Variants in SLC9A4 observed in about 807,000 individuals in gnomAD.
SLC9A4 encodes the protein sodium/hydrogen exchanger 4.
SLC9A4 carries 63 observed loss-of-function variants against 67.4 expected under a neutral mutation model. The ratio of observed to expected loss-of-function variants is 0.93; its 90% CI spans 0.76 to 1.15. The LOEUF is 1.15. Among genes scored for constraint, SLC9A4 ranks in the 50% most tolerant of loss-of-function variants. The probability of loss-of-function intolerance (pLI) is 0.00; values close to 1 mark genes in which losing one functional copy is unlikely to be tolerated. For missense variants in SLC9A4, 1,089 were observed against 987.7 expected (o/e 1.10, Z -1.38); for synonymous variants, 393 against 367.2 (o/e 1.07, Z -0.80).
chr2:102,498,984 G>A (rs1684866830), intron 2 of SLC9A4, among the ~76,000 whole-genome samples: 1 of 152,232 alleles, frequency 6.6e-6, no homozygotes, highest in South Asian at 2.1e-4. Flanking sequence ...GGGGATGGGA[G>A]AGCCCTCAGG....
intron 2 of SLC9A4, among the ~76,000 whole-genome samples, chr2:102,486,477 T>C (rs11887071): frequency 0.032 from 4,893 of 152,310 alleles, 239 homozygotes; most frequent in African/African-American, 0.099. Flanking sequence ...AGAAGAGCTG[T>C]ATGTGCACTT....
At chr2:102,501,709 AG>A (rs1684945100) in intron 2 of SLC9A4, among the ~76,000 whole-genome samples, 1 of 152,018 alleles carries the variant, frequency 6.6e-6, no homozygotes, top group African/African-American at 2.4e-5. Context: ...CACACAAAGC[AG>A]TGTGTGGTTC....
chr2:102,495,890 G>A (rs550095777), intron 2 of SLC9A4, among the ~76,000 whole-genome samples: 17 of 151,792 alleles, frequency 1.1e-4, no homozygotes, highest in African/African-American at 4.1e-4. Flanking sequence ...AAATGGAAAA[G>A]GTATAATTAT....
chr2:102,517,265 C>T (rs1448336129), intron 8 of SLC9A4, among the ~76,000 whole-genome samples: 3 of 152,170 alleles, frequency 2.0e-5, no homozygotes, highest in Non-Finnish European at 4.4e-5. Flanking sequence ...GTCTTCTTGT[C>T]TTCTGAGCCC....
chr2:102,518,665 GTACAT>G (rs1458771806), intron 8 of SLC9A4, among the ~76,000 whole-genome samples: 1 of 152,138 alleles, frequency 6.6e-6, no homozygotes, highest in Non-Finnish European at 1.5e-5. Context: ...TTTATCAAAT[GTACAT>G]TACTTTTAAA....
chr2:102,532,285 T>C (rs1674792317), intron 11 of SLC9A4, 45 bp from the exon 12 acceptor site: 1 of 1,564,546 alleles, frequency 6.4e-7, no homozygotes, highest in African/African-American at 1.4e-5. Context: ...TTAACTCTGA[T>C]CTTAAGTCTT....
At chr2:102,526,074 G>T (rs1010646966) in intron 10 of SLC9A4, among the ~76,000 whole-genome samples, 185 bp from the exon 11 acceptor site, 2 of 152,166 alleles carry the variant, frequency 1.3e-5, no homozygotes, top group African/African-American at 4.8e-5. Context: ...TTTTAGTAGA[G>T]ACGGGGTTTC....
At chr2:102,522,196 C>G (rs191824232) in intron 9 of SLC9A4, among the ~76,000 whole-genome samples, 3 of 152,272 alleles carry the variant, frequency 2.0e-5, no homozygotes, top group African/African-American at 7.2e-5. Context: ...GGGTGATTCC[C>G]GAGTAGCCTG....
intron 8 of SLC9A4, among the ~76,000 whole-genome samples, chr2:102,515,152 T>G (rs1247875860): frequency 6.6e-6 from 1 of 152,100 alleles, no homozygotes; most frequent in Admixed American, 6.5e-5. Context: ...TCCATCCTGT[T>G]GTCTTCAGCA....
At position 102,478,997 on chromosome 2, in the gene SLC9A4, G is replaced by C. The variant is rs764521439; in HGVS notation, c.415G>C (p.Val139Leu). 28 of 1,614,112 alleles carry C rather than the reference G, an allele frequency of 1.7e-5. No individual in the cohort carries two copies. Among genetic ancestry groups the C allele is most frequent in the South Asian group, 9.9e-5 (9 of 91,086 alleles). The change falls in exon 2 of 12, where the codon GTT becomes CTT. Residue 139 changes from valine (V) to leucine (L), a missense_variant. Coordinates refer to ENST00000295269, the MANE Select transcript of SLC9A4 (RefSeq NM_001011552.4). ...IYFLYLLPPI[V>L]LEGGYFMPTR... is the part of the protein sequence containing the mutation. ...CTTCCTGTATCTCCTGCCACCCATC[G>C]TTCTGGAGGGCGGCTACTTCATGCC...
intron 2 of SLC9A4, among the ~76,000 whole-genome samples, chr2:102,500,230 C>G (rs920032513): frequency 2.0e-5 from 3 of 152,132 alleles, no homozygotes; most frequent in Non-Finnish European, 4.4e-5. Flanking sequence ...GAGTGATGCA[C>G]TCACAAACCT....
chr2:102,502,650 T>A (rs543674489), intron 2 of SLC9A4, among the ~76,000 whole-genome samples: 1 of 151,970 alleles, frequency 6.6e-6, no homozygotes, highest in South Asian at 2.1e-4. Context: ...CAGACTGGAG[T>A]TGGTCTGGAG....
intron 8 of SLC9A4, among the ~76,000 whole-genome samples, chr2:102,517,886 C>T (rs751240845): frequency 2.0e-5 from 3 of 152,130 alleles, no homozygotes; most frequent in African/African-American, 2.4e-5. Context: ...GGTCCAGTGA[C>T]AAGAGTCTTT....
intron 3 of SLC9A4, 108 bp downstream of exon 3, chr2:102,503,815 C>T (rs1248934308): frequency 6.4e-6 from 9 of 1,404,544 alleles, no homozygotes; most frequent in African/African-American, 1.4e-5. Context: ...GCTAACCCTC[C>T]AACATGTTGC....
chr2:102,505,335 C>G lies in SLC9A4; in HGVS notation c.1062C>G (p.Phe354Leu), dbSNP rs1307484127. 1.2e-6 allele frequency: 2 copies of G among 1,614,238 alleles called. No homozygotes were observed. Among genetic ancestry groups the G allele is most frequent in the Non-Finnish European group, 8.5e-7 (1 of 1,180,042 alleles). The change falls in exon 4 of 12, where the codon TTC (phenylalanine) becomes TTG (leucine). Residue 354 changes from phenylalanine (F) to leucine (L), a missense_variant. Physicochemically the swap from Phe to Leu is conservative, Grantham distance 22. Transcript: ENST00000295269. ...SQTSYTTIKYFMKMLSSVSET... is the reference protein window; with the variant it reads ...SQTSYTTIKYLMKMLSSVSET... ...CATCATACACGACCATCAAGTACTT[C>G]ATGAAGATGCTGAGCAGCGTCAGCG...
chr2:102,497,406 T>C (rs937522197), intron 2 of SLC9A4, among the ~76,000 whole-genome samples: 2 of 152,088 alleles, frequency 1.3e-5, no homozygotes, highest in Non-Finnish European at 2.9e-5. Flanking sequence ...AGCCAAAAAC[T>C]GGGGAGTTGG....
chr2:102,487,282 G>T (rs1684608162), intron 2 of SLC9A4, among the ~76,000 whole-genome samples: 1 of 152,042 alleles, frequency 6.6e-6, no homozygotes, highest in Admixed American at 6.5e-5. Flanking sequence ...AGCTTGTGAT[G>T]AAGAGCTTGG....
chr2:102,475,723 A>G (rs940872343), intron 1 of SLC9A4, among the ~76,000 whole-genome samples: 11 of 152,194 alleles, frequency 7.2e-5, no homozygotes, highest in African/African-American at 2.4e-4. Context: ...GATTATTTTT[A>G]TATTCCATAT....
At chr2:102,475,292 C>G (rs1684304455) in intron 1 of SLC9A4, among the ~76,000 whole-genome samples, 1 of 152,190 alleles carries the variant, frequency 6.6e-6, no homozygotes, top group Non-Finnish European at 1.5e-5. Context: ...TTACTTGGTA[C>G]TTGAGTTTTC....
Sources: gnomAD v4.1 joint callset for allele counts (sites outside exome capture counted in the v4.1 genomes callset) on GRCh38, gnomAD v4.1.1 for gene constraint, MANE v1.5 for transcripts, NCBI Gene and HGNC (gene_info 2026-07-23, HGNC 2026-07-21) for gene names.